Variants in ABCC9 observed in about 807,000 individuals in gnomAD.
The protein encoded by ABCC9 is ATP binding cassette subfamily C member 9.
Under a neutral mutation model 188.3 loss-of-function variants are expected in ABCC9, and 95 were observed. The ratio of observed to expected loss-of-function variants is 0.50; its 90% CI spans 0.43 to 0.60. The LOEUF (loss-of-function observed/expected upper bound fraction) is 0.60. Ranked by LOEUF, ABCC9 falls within the 20% of genes least tolerant of loss-of-function variation. ABCC9 has a pLI of 0.00. For synonymous variants in ABCC9, 659 were observed against 652.7 expected (o/e 1.01, Z -0.15); for missense variants, 1,102 against 1,876.3 (o/e 0.59, Z 7.62).
rs1453237620 is a variant in ABCC9, at chr12:21,915,476, ATATGTGTGTG to A, written c.816+182_816+191del. On this transcript the variant is annotated intron_variant, in intron 7 of 39. Coordinates refer to ENST00000261200, the MANE Select transcript of ABCC9 (RefSeq NM_020297.4). The stretch of plus-strand genomic sequence containing the variant: ...TATATGTGTGTATATGTGTGTGTAT[ATATGTGTGTG>A]TGTGTGTGTGTGTGTATATATATAT... Among the ~76,000 whole-genome samples, 6 of 8,164 alleles carry A rather than the reference ATATGTGTGTG, an allele frequency of 7.3e-4. No homozygotes were observed. In the East Asian group the frequency reaches 0.03, roughly 41 times the overall value. The allele number at this position is 8,164 out of a possible 152,430, so 5.4% of individuals were successfully genotyped here. A position where few individuals can be genotyped will look rare whatever the true frequency, so the allele number is the denominator to read the frequency against.
intron 18 of ABCC9, among the ~76,000 whole-genome samples, chr12:21,868,815 G>A (rs1945916061): frequency 6.6e-6 from 1 of 152,118 alleles, no homozygotes; most frequent in Non-Finnish European, 1.5e-5. Context: ...TTACACAGCA[G>A]CAGCTTATGA....
At chr12:21,835,255 A>G (rs1944010548) in intron 30 of ABCC9, among the ~76,000 whole-genome samples, 1 of 152,210 alleles carries the variant, frequency 6.6e-6, no homozygotes, top group Admixed American at 6.5e-5. Context: ...TTTATTCACA[A>G]AACATCTGGA....
chr12:21,878,345 G>A (rs568191621), intron 16 of ABCC9, among the ~76,000 whole-genome samples: 4 of 152,250 alleles, frequency 2.6e-5, no homozygotes, highest in East Asian at 1.9e-4. Context: ...CTTTCAATTC[G>A]TGATATGATG....
At chr12:21,909,011 A>G (rs1313107745) in intron 10 of ABCC9, among the ~76,000 whole-genome samples, 1 of 151,890 alleles carries the variant, frequency 6.6e-6, no homozygotes, top group Non-Finnish European at 1.5e-5. Context: ...CCTATATGCC[A>G]ATGATAATAG....
rs182083337 is a variant in ABCC9 at position 21,811,065 on chromosome 12, A to G, written c.4211+984T>C. ...AATTGTAATCCTCACGTGTCCAGGG[A>G]GGGACCTGGTGGGAGCTGATTAGAT... On this transcript the variant is annotated intron_variant, in intron 36 of 39. Transcript: ENST00000261200. Among the ~76,000 whole-genome samples the G allele has an allele frequency of 7.5e-4, 114 of 152,232 alleles. 1 individual carries two copies. The highest frequency in any genetic ancestry group is 2.5e-3 in the African/African-American group (104 of 41,550).
At chr12:21,876,024 C>G (rs1946327420) in intron 16 of ABCC9, among the ~76,000 whole-genome samples, 1 of 152,154 alleles carries the variant, frequency 6.6e-6, no homozygotes, top group African/African-American at 2.4e-5. Context: ...TGCACTCCAG[C>G]CTGGGTGACA....
rs113918802 is a variant in ABCC9, at chr12:21,917,331, T to A, written c.407-228A>T. 5.6e-3 allele frequency among the ~76,000 whole-genome samples: 857 copies of A among 152,266 alleles called. 8 individuals carry two copies. The highest frequency in any genetic ancestry group is 0.02 in the African/African-American group (813 of 41,556). On this transcript the variant is annotated intron_variant, in intron 5 of 39. Coordinates refer to ENST00000261200, the MANE Select transcript of ABCC9 (RefSeq NM_020297.4). ...TGAGTGCGTCCATCCTGACCGTACA[T>A]GATAGATGGGAGGATGTAAAGAGAT...
At chr12:21,807,193 A>G (rs1460496510) in intron 38 of ABCC9, among the ~76,000 whole-genome samples, 153 bp downstream of exon 38, 1 of 152,180 alleles carries the variant, frequency 6.6e-6, no homozygotes, top group East Asian at 1.9e-4. Flanking sequence ...GTAATTCTCA[A>G]TGTGCTATCA....
At chr12:21,825,186 CT>C (rs1381047592) in intron 31 of ABCC9, among the ~76,000 whole-genome samples, 6 of 152,194 alleles carry the variant, frequency 3.9e-5, no homozygotes, top group African/African-American at 1.2e-4. Flanking sequence ...CGCTTTTACA[CT>C]GTTAGTGGGA....
intron 12 of ABCC9, among the ~76,000 whole-genome samples, chr12:21,900,828 T>C (rs539707899): frequency 4.1e-4 from 62 of 152,232 alleles, no homozygotes; most frequent in African/African-American, 1.4e-3. Context: ...CTACGTCTGA[T>C]TGGGGTACCT....
intron 13 of ABCC9, among the ~76,000 whole-genome samples, chr12:21,894,884 A>G (rs1382108819): frequency 2.0e-5 from 3 of 152,354 alleles, no homozygotes; most frequent in Middle Eastern, 6.8e-3. Flanking sequence ...ATCTTGTTGT[A>G]AGAGTATCTG....
At chr12:21,930,424 CA>C (rs1565496060) in intron 4 of ABCC9, among the ~76,000 whole-genome samples, 1 of 151,836 alleles carries the variant, frequency 6.6e-6, no homozygotes, top group Non-Finnish European at 1.5e-5. Flanking sequence ...ATGAGGTTTT[CA>C]AAAAAGCAGA....
At chr12:21,929,532 G>A (rs1336578330) in intron 4 of ABCC9, among the ~76,000 whole-genome samples, 1 of 151,770 alleles carries the variant, frequency 6.6e-6, no homozygotes, top group Non-Finnish European at 1.5e-5. Context: ...ATTGTAATGA[G>A]CATTTGTCAG....
chr12:21,803,439 C>T (rs1941609904), intron 39 of ABCC9, among the ~76,000 whole-genome samples: 1 of 151,904 alleles, frequency 6.6e-6, no homozygotes, highest in South Asian at 2.1e-4. Context: ...GGGCGGATCA[C>T]AAGGTCAGGG....
intron 18 of ABCC9, among the ~76,000 whole-genome samples, chr12:21,872,166 T>C (rs1235437406): frequency 6.6e-6 from 1 of 152,206 alleles, no homozygotes; most frequent in Non-Finnish European, 1.5e-5. Context: ...CTAGTTTAAG[T>C]ATAAGGATAA....
At chr12:21,924,825 G>T (rs895697683) in intron 5 of ABCC9, 6 of 151,890 alleles carry the variant, frequency 4.0e-5, no homozygotes, top group Admixed American at 6.6e-5. Context: ...TTGCACAAAA[G>T]ACCTTTCTAT....
intron 12 of ABCC9, among the ~76,000 whole-genome samples, chr12:21,903,005 A>G (rs1224337928): frequency 2.6e-5 from 4 of 152,176 alleles, no homozygotes; most frequent in African/African-American, 7.2e-5. Context: ...AGAATTTTAG[A>G]CCAATATCCC....
Position 21,870,760 on chromosome 12 carries a change from TTTTC to T in ABCC9, c.2198+1861_2198+1864del, listed in dbSNP as rs373434697. On this transcript the variant is annotated intron_variant, in intron 18 of 39. Transcript: ENST00000261200. Reference sequence around the variant, plus strand: ...TGATTATTTAAACAATATTTAAAAATTTTCTTTATCTTTCAAACTCTACTATGTT... The same window carrying T: ...TGATTATTTAAACAATATTTAAAAATTTTATCTTTCAAACTCTACTATGTT... Among the ~76,000 whole-genome samples the T allele has an allele frequency of 7.4e-3, 1,102 of 149,926 alleles. 12 individuals are homozygous for T. Among genetic ancestry groups the T allele is most frequent in the African/African-American group, 0.026 (1,055 of 41,246 alleles).
intron 4 of ABCC9, among the ~76,000 whole-genome samples, chr12:21,932,811 G>A (rs1399215207): frequency 6.6e-6 from 1 of 152,014 alleles, no homozygotes; most frequent in Admixed American, 6.6e-5. Context: ...TTTAGCCATT[G>A]TAGAAGACAG....
Sources: allele counts gnomAD v4.1 joint callset (sites outside exome capture counted in the v4.1 genomes callset), GRCh38; gene constraint gnomAD v4.1.1; transcripts MANE v1.5; gene names NCBI Gene and HGNC (gene_info 2026-07-23, HGNC 2026-07-21).